Variants in FGF3 observed in about 807,000 individuals in gnomAD.
The protein encoded by FGF3 is FGF-3.
FGF3 carries 7 observed loss-of-function variants against 9.8 expected under a neutral mutation model. The ratio of observed to expected loss-of-function variants is 0.72; its 90% CI spans 0.41 to 1.35. The LOEUF is 1.35. Among genes scored for constraint, FGF3 ranks in the 40% most tolerant of loss-of-function variants. The pLI is 0.01. For synonymous variants in FGF3, 173 were observed against 157.2 expected (o/e 1.10, Z -0.75); for missense variants, 390 against 345.6 (o/e 1.13, Z -1.02).
intron 2 of FGF3, among the ~76,000 whole-genome samples, chr11:69,811,318 C>T (rs1554980451): frequency 1.3e-5 from 2 of 151,876 alleles, no homozygotes; most frequent in African/African-American, 4.8e-5. Flanking sequence ...GGTGTGGTGG[C>T]GTGCGCCCAC....
Position 69,819,049 on chromosome 11 carries a change from T to G in FGF3, c.-116A>C. ...CGGAGCGGGATCCCGCGCCTGGAGA[T>G]GCTGACTCCGGCTTCGCGGGAAAGG... On this transcript the variant is annotated 5_prime_UTR_variant, in exon 1 of 3. Transcript: ENST00000334134. 1.3e-5 allele frequency: 7 copies of G among 527,658 alleles called. No individual in the cohort carries two copies. The highest frequency in any genetic ancestry group is 9.0e-6 in the Non-Finnish European group (3 of 334,286). The allele number at this position is 527,658 out of a possible 1,614,324, so 32.7% of individuals were successfully genotyped here.
chr11:69,818,211 G>A (rs1367442953), intron 1 of FGF3, among the ~76,000 whole-genome samples: 1 of 152,222 alleles, frequency 6.6e-6, no homozygotes, highest in Admixed American at 6.5e-5. Context: ...AGGGCGGAGG[G>A]GACGGCGGGG....
intron 2 of FGF3, among the ~76,000 whole-genome samples, chr11:69,812,358 A>G (rs927517184): frequency 8.5e-5 from 13 of 152,094 alleles, no homozygotes; most frequent in African/African-American, 3.1e-4. Flanking sequence ...TTTCAGCGAC[A>G]TGAAAGCCCA....
chr11:69,818,676 G>A (rs2119938844), intron 1 of FGF3, 38 bp downstream of exon 1: 2 of 1,420,016 alleles, frequency 1.4e-6, no homozygotes, highest in South Asian at 1.4e-5. Flanking sequence ...CCCTCCCGGC[G>A]CCGCTTCCCC....
chr11:69,817,793 C>A (rs1856160331), intron 1 of FGF3, among the ~76,000 whole-genome samples: 1 of 152,180 alleles, frequency 6.6e-6, no homozygotes, highest in African/African-American at 2.4e-5. Flanking sequence ...CTCCCACGCT[C>A]CCCACGCGGT....
At position 69,810,575 on chromosome 11, in the gene FGF3, C is replaced by G. The variant is rs1554980352; in HGVS notation, c.450G>C (p.Glu150Asp). The G allele has an allele frequency of 6.2e-7, 1 of 1,612,336 alleles. No homozygotes were observed. The highest frequency in any genetic ancestry group is 8.5e-7 in the Non-Finnish European group (1 of 1,179,364). The change falls in exon 3 of 3, where the codon GAG becomes GAC. Residue 150 changes from glutamate (E) to aspartate (D), a missense_variant. Transcript: ENST00000334134. ...CGTTCACAGACACGTACCACAGTCT[C>G]TCGGCGCTGGGCTGCCGGCGGGCCC... ...TPGARRQPSA[E>D]RLWYVSVNGK...
In FGF3 at chr11:69,816,308, G is replaced by T; in HGVS notation, c.324+12C>A. 4 of 1,604,224 alleles carry T rather than the reference G, an allele frequency of 2.5e-6. No individual in the cohort carries two copies. Among genetic ancestry groups the T allele is most frequent in the Non-Finnish European group, 3.4e-6 (4 of 1,171,044 alleles). ...TCCGTCAGCGCCCACCCACGTGACA[G>T]CCTGGACTCACCGAAGCATAGAGTC... is the stretch of plus-strand genomic sequence containing the variant. On this transcript the variant is annotated intron_variant, in intron 2 of 2. Transcript: ENST00000334134.
chr11:69,810,675 A>G lies in FGF3; in HGVS notation c.350T>C (p.Phe117Ser). ...GCCCAGCTCGTGGATCCGCTCCACAAACTCGCACTCGGCGCTGTAGTGCTC... is the reference window on the plus strand; with the variant it reads ...GCCCAGCTCGTGGATCCGCTCCACAGACTCGCACTCGGCGCTGTAGTGCTC... ...ASEHYSAECEFVERIHELGYN... is the reference protein window; with the variant it reads ...ASEHYSAECESVERIHELGYN... The change falls in exon 3 of 3, where the codon TTT becomes TCT. Residue 117 changes from phenylalanine to serine, a missense_variant. Physicochemically the swap from Phe to Ser is radical, Grantham distance 155. Coordinates refer to ENST00000334134, the MANE Select transcript of FGF3 (RefSeq NM_005247.4). 6.3e-7 allele frequency: 1 copy of G among 1,592,332 alleles called. No homozygotes were observed. Among genetic ancestry groups the G allele is most frequent in the Non-Finnish European group, 8.6e-7 (1 of 1,165,782 alleles).
chr11:69,816,825 C>A (rs973712761), intron 1 of FGF3, among the ~76,000 whole-genome samples: 1 of 152,184 alleles, frequency 6.6e-6, no homozygotes, highest in Non-Finnish European at 1.5e-5. Context: ...CAAGCCCTGG[C>A]GGCAGCCATG....
intron 1 of FGF3, 97 bp from the exon 2 acceptor site, chr11:69,816,520 G>T (rs1431039857): frequency 9.0e-6 from 8 of 887,608 alleles, no homozygotes; most frequent in East Asian, 2.5e-5. Context: ...CGGGCTCAGG[G>T]CTGGGGAGGG....
At chr11:69,814,112 T>C (rs1367516448) in intron 2 of FGF3, among the ~76,000 whole-genome samples, 1 of 149,940 alleles carries the variant, frequency 6.7e-6, no homozygotes, top group East Asian at 2.0e-4. Flanking sequence ...GACAGATGGG[T>C]GAAGAGAATA....
chr11:69,810,308 G>C lies in FGF3; in HGVS notation c.717C>G (p.His239Gln). 1 of 1,561,962 alleles carries C rather than the reference G, an allele frequency of 6.4e-7. No homozygotes were observed. Among genetic ancestry groups the C allele is most frequent in the Non-Finnish European group, 8.7e-7 (1 of 1,148,604 alleles). The change falls in exon 3 of 3, where the codon CAC becomes CAG. Residue 239 changes from histidine to glutamine, a missense_variant. His to Gln is a conservative substitution (Grantham distance 24, BLOSUM62 0). Transcript: ENST00000334134. The stretch of plus-strand genomic sequence containing the variant: ...TGGCGGTGGCCACCAGGCCCAGCTA[G>C]TGCGCACTGGCCTCCAGCTGGGAGC... ...RLGSQLEASA[H>Q]
At position 69,819,037 on chromosome 11, in the gene FGF3, C is replaced by T; in HGVS notation, c.-104G>A. On this transcript the variant is annotated 5_prime_UTR_variant, in exon 1 of 3. Transcript: ENST00000334134. ...CTGCGAGGTGCTCGGAGCGGGATCC[C>T]GCGCCTGGAGATGCTGACTCCGGCT... 1 of 689,506 alleles carries T rather than the reference C, an allele frequency of 1.5e-6. No individual in the cohort carries two copies. The allele number at this position is 689,506 out of a possible 1,614,324, so 42.7% of individuals were successfully genotyped here.
chr11:69,809,972 A>G lies in FGF3; in HGVS notation c.*333T>C. Reference sequence around the variant, plus strand: ...ACGGTCTACCAAACGACAGAGTAGAATAAAATACTTTAATGTTGTGATGAC... The same window carrying G: ...ACGGTCTACCAAACGACAGAGTAGAGTAAAATACTTTAATGTTGTGATGAC... On this transcript the variant is annotated 3_prime_UTR_variant, in exon 3 of 3. Transcript: ENST00000334134. The G allele has an allele frequency of 3.2e-6, 1 of 312,770 alleles. No individual in the cohort carries two copies. Among genetic ancestry groups the G allele is most frequent in the Non-Finnish European group, 5.9e-6 (1 of 170,760 alleles). The allele number at this position is 312,770 out of a possible 1,614,324, so 19.4% of individuals were successfully genotyped here.
intron 1 of FGF3, among the ~76,000 whole-genome samples, chr11:69,818,217 C>A (rs2119936890): frequency 6.6e-6 from 1 of 152,272 alleles, no homozygotes; most frequent in East Asian, 1.9e-4. Context: ...GAGGGGACGG[C>A]GGGGCGTCCA....
chr11:69,818,598 G>C, intron 1 of FGF3, 116 bp downstream of exon 1: 1 of 720,458 alleles, frequency 1.4e-6, no homozygotes, highest in Non-Finnish European at 2.0e-6. Flanking sequence ...GCCTTCTCCC[G>C]GGCCAGACCC....
At chr11:69,816,169 C>T (rs939014937) in intron 2 of FGF3, 151 bp downstream of exon 2, 51 of 713,744 alleles carry the variant, frequency 7.1e-5, no homozygotes, top group African/African-American at 1.4e-4. Flanking sequence ...GATCACTGGG[C>T]GTGGAGCCCT....
chr11:69,810,195 A>G lies in FGF3; in HGVS notation c.*110T>C. ...TTTGAGCTGGCTCTGGAAATAGCTG[A>G]GAACCCAGACGCGGGACGCAGGGGC... On this transcript the variant is annotated 3_prime_UTR_variant, in exon 3 of 3. Transcript: ENST00000334134. 4.5e-6 allele frequency: 5 copies of G among 1,099,292 alleles called. No individual in the cohort carries two copies. The highest frequency in any genetic ancestry group is 5.1e-6 in the Non-Finnish European group (4 of 789,730). The allele number at this position is 1,099,292 out of a possible 1,614,324, so 68.1% of individuals were successfully genotyped here.
At position 69,816,464 on chromosome 11, in the gene FGF3, G is replaced by T. The variant is rs781816394; in HGVS notation, c.221-41C>A. On this transcript the variant is annotated intron_variant, in intron 1 of 2. Transcript: ENST00000334134. The stretch of plus-strand genomic sequence containing the variant: ...GGTGCCTCACTCCCGCCGCCCCCAC[G>T]GAGGGGGCGGCTGAGGCCCAGCTGG... 14 of 1,519,330 alleles carry T rather than the reference G, an allele frequency of 9.2e-6. No individual in the cohort carries two copies. In the Middle Eastern group the frequency reaches 5.2e-4, roughly 56 times the overall value. The allele number at this position is 1,519,330 out of a possible 1,614,324, so 94.1% of individuals were successfully genotyped here. A position where few individuals can be genotyped will look rare whatever the true frequency, so the allele number is the denominator to read the frequency against.
Sources: allele counts gnomAD v4.1 joint callset (sites outside exome capture counted in the v4.1 genomes callset), GRCh38; gene constraint gnomAD v4.1.1; transcripts MANE v1.5; gene names NCBI Gene and HGNC (gene_info 2026-07-23, HGNC 2026-07-21).